Variants in HCN2 observed in about 807,000 individuals in gnomAD.
HCN2 encodes potassium/sodium hyperpolarization-activated cyclic nucleotide-gated channel 2.
A neutral mutation model predicts 52.3 loss-of-function variants in HCN2; 20 were observed. That is an observed-to-expected ratio of 0.38 (90% CI 0.27 to 0.56). The LOEUF is 0.56. HCN2 is among the 20% of genes least tolerant of loss of function. The pLI is 0.71. For missense variants in HCN2, 981 were observed against 1,207.7 expected (o/e 0.81, Z 2.78); for synonymous variants, 694 against 537.0 (o/e 1.29, Z -4.04).
At chr19:595,812 C>T (rs145432806) in intron 1 of HCN2, among the ~76,000 whole-genome samples, 9 of 152,238 alleles carry the variant, frequency 5.9e-5, no homozygotes, top group African/African-American at 1.7e-4. Context: ...CTGAGAGTGC[C>T]GTCTCCTAAT....
chr19:591,983 G>T lies in HCN2; in HGVS notation c.632+1406G>T, dbSNP rs1357905779. ...AAGCCTGGATTTCGAGACAGGCCAG[G>T]GGTGGGAGGAGCCCCGAAATCCCCA... On this transcript the variant is annotated intron_variant, in intron 1 of 7. Transcript: ENST00000251287. This position sits in a 1 kb window ranked among gnomAD's most constrained non-coding sequence, Gnocchi z 4.1. 1.3e-5 allele frequency among the ~76,000 whole-genome samples: 2 copies of T among 152,180 alleles called. No individual in the cohort carries two copies. Among genetic ancestry groups the T allele is most frequent in the African/African-American group, 4.8e-5 (2 of 41,446 alleles).
At position 610,872 on chromosome 19, in the gene HCN2, G is replaced by C. The variant is rs552313971; in HGVS notation, c.1584+467G>C. Among the ~76,000 whole-genome samples, 3 of 152,282 alleles carry C rather than the reference G, an allele frequency of 2.0e-5. No individual in the cohort carries two copies. In the South Asian group the frequency reaches 6.2e-4, roughly 32 times the overall value. Reference sequence around the variant, plus strand: ...GGAGATTCGGCCTCCCACCGTCCTGGAGGCCGGAAGCCCAACATCAAGGCG... The same window carrying C: ...GGAGATTCGGCCTCCCACCGTCCTGCAGGCCGGAAGCCCAACATCAAGGCG... On this transcript the variant is annotated intron_variant, in intron 5 of 7. Transcript: ENST00000251287.
chr19:616,414 C>G lies in HCN2; in HGVS notation c.2610C>G (p.Gly870=), dbSNP rs1244953248. ...ACCGCAGGGACTCGGCCTCACCCGG[C>G]GCCGCCGGCGGCCTGGACCCCCAGG... is the stretch of plus-strand genomic sequence containing the variant. ...SPDRRDSASP[G]AAGGLDPQDS... The change falls in exon 8 of 8, where the codon GGC becomes GGG. Residue 870 remains glycine, a synonymous_variant. Coordinates refer to ENST00000251287, the MANE Select transcript of HCN2 (RefSeq NM_001194.4). 2 of 1,238,334 alleles carry G rather than the reference C, an allele frequency of 1.6e-6. No homozygotes were observed. Among genetic ancestry groups the G allele is most frequent in the Non-Finnish European group, 2.0e-6 (2 of 988,404 alleles). 76.7% of individuals were successfully genotyped at this position (1,238,334 alleles called of 1,614,324 possible).
intron 4 of HCN2, among the ~76,000 whole-genome samples, chr19:608,688 G>T (rs1410234831): frequency 1.3e-5 from 2 of 152,082 alleles, no homozygotes; most frequent in Admixed American, 1.3e-4. Flanking sequence ...CCGGGCTGAA[G>T]GGGCATTGCC....
rs1228903623 is a variant in HCN2, at chr19:590,654, C to T, written c.632+77C>T. 3.1e-5 allele frequency: 35 copies of T among 1,145,516 alleles called. No individual in the cohort carries two copies. Among genetic ancestry groups the T allele is most frequent in the Non-Finnish European group, 3.8e-5 (34 of 905,414 alleles). The allele number at this position is 1,145,516 out of a possible 1,614,324, so 71.0% of individuals were successfully genotyped here. A position where few individuals can be genotyped will look rare whatever the true frequency, so the allele number is the denominator to read the frequency against. On this transcript the variant is annotated intron_variant, in intron 1 of 7. Transcript: ENST00000251287. The surrounding 1 kb of genome is among the most constrained non-coding windows in gnomAD (Gnocchi z 7.2). ...GCGCGGGGAGCCGTCCTTGGAGCGC[C>T]TGGGGAGGGCGGGGCGGCGCGCCGG...
chr19:605,007 A>C (rs1983373219), intron 2 of HCN2, 54 bp from the exon 3 acceptor site: 1 of 1,514,156 alleles, frequency 6.6e-7, no homozygotes, highest in African/African-American at 1.5e-5. Context: ...TGGGGCTCTG[A>C]AGGTGGGGGC....
intron 6 of HCN2, 126 bp from the exon 7 acceptor site, chr19:613,726 A>ACCGGCACCGGCC: frequency 2.1e-6 from 2 of 939,060 alleles, no homozygotes. Context: ...CGGGGCCGGC[A>ACCGGCACCGGCC]CCAGGGAGAG....
chr19:590,125 G>T lies in HCN2; in HGVS notation c.180G>T (p.Ala60=). 1 of 908,450 alleles carries T rather than the reference G, an allele frequency of 1.1e-6. No homozygotes were observed. The highest frequency in any genetic ancestry group is 1.3e-6 in the Non-Finnish European group (1 of 765,016). The allele number at this position is 908,450 out of a possible 1,614,324, so 56.3% of individuals were successfully genotyped here. A position where few individuals can be genotyped will look rare whatever the true frequency, so the allele number is the denominator to read the frequency against. Residue 60 remains alanine, a synonymous_variant, in exon 1 of 8, where the codon GCG becomes GCT. Coordinates refer to ENST00000251287, the MANE Select transcript of HCN2 (RefSeq NM_001194.4). The surrounding 1 kb of genome is among the most constrained non-coding windows in gnomAD (Gnocchi z 7.2). The part of the protein sequence containing the change: ...APPQHPPRAE[A]LPPEAADEGG... Reference sequence around the variant, plus strand: ...CCCAGCACCCGCCCCGGGCCGAGGCGTTGCCCCCGGAGGCGGCGGATGAGG... The same window carrying T: ...CCCAGCACCCGCCCCGGGCCGAGGCTTTGCCCCCGGAGGCGGCGGATGAGG...
intron 1 of HCN2, among the ~76,000 whole-genome samples, chr19:601,567 G>C (rs1983203548): frequency 6.6e-6 from 1 of 152,020 alleles, no homozygotes; most frequent in African/African-American, 2.4e-5. Context: ...ACACGGTGGG[G>C]TGGTTGTCGT....
chr19:616,495 G>A lies in HCN2; in HGVS notation c.*21G>A. On this transcript the variant is annotated 3_prime_UTR_variant, in exon 8 of 8. Coordinates refer to ENST00000251287, the MANE Select transcript of HCN2 (RefSeq NM_001194.4). ...TGTGACCCTCGCCGACCGCCCCGCG[G>A]GCCCAGGCGGGCCGGGGGCGGGGCC... The A allele has an allele frequency of 1.7e-6, 2 of 1,205,258 alleles. No homozygotes were observed. Among genetic ancestry groups the A allele is most frequent in the Non-Finnish European group, 2.1e-6 (2 of 967,242 alleles). The allele number at this position is 1,205,258 out of a possible 1,614,324, so 74.7% of individuals were successfully genotyped here.
In HCN2 at chr19:616,605, T is replaced by C. The variant is rs868829990; in HGVS notation, c.*131T>C. Reference sequence around the variant, plus strand: ...ATAGACGAGACGTAGGTAGCCGTAGTTGGACGGACGGGCAGGGCCGGCGGG... The same window carrying C: ...ATAGACGAGACGTAGGTAGCCGTAGCTGGACGGACGGGCAGGGCCGGCGGG... On this transcript the variant is annotated 3_prime_UTR_variant, in exon 8 of 8. Coordinates refer to ENST00000251287, the MANE Select transcript of HCN2 (RefSeq NM_001194.4). 6.0e-6 allele frequency: 3 copies of C among 500,548 alleles called. No individual in the cohort carries two copies. Among genetic ancestry groups the C allele is most frequent in the Non-Finnish European group, 8.4e-6 (3 of 356,398 alleles). 31.0% of individuals were successfully genotyped at this position (500,548 alleles called of 1,614,324 possible).
At chr19:609,307 C>T (rs530130475) in intron 4 of HCN2, among the ~76,000 whole-genome samples, 5 of 152,328 alleles carry the variant, frequency 3.3e-5, no homozygotes, top group African/African-American at 1.2e-4. Flanking sequence ...AGCACCCACG[C>T]TCCCTTCCCT....
Position 616,706 on chromosome 19 carries a change from G to A in HCN2, c.*232G>A, listed in dbSNP as rs879888906. 52 of 206,658 alleles carry A rather than the reference G, an allele frequency of 2.5e-4. No individual in the cohort carries two copies. The highest frequency in any genetic ancestry group is 2.2e-3 in the Admixed American group (36 of 16,614). 12.8% of individuals were successfully genotyped at this position (206,658 alleles called of 1,614,324 possible). A position where few individuals can be genotyped will look rare whatever the true frequency, so the allele number is the denominator to read the frequency against. ...CCCCATCGCCCCTGCCCCCGGCGGCGGCCTCGCGTGCGAGGGGGCTCCCTT... is the reference window on the plus strand; with the variant it reads ...CCCCATCGCCCCTGCCCCCGGCGGCAGCCTCGCGTGCGAGGGGGCTCCCTT... On this transcript the variant is annotated 3_prime_UTR_variant, in exon 8 of 8. Transcript: ENST00000251287.
chr19:604,929 G>A (rs191473796), intron 2 of HCN2, 132 bp from the exon 3 acceptor site: 80,801 of 899,592 alleles, frequency 0.09, 4,445 homozygotes, highest in Admixed American at 0.19. Context: ...GGTGGGGCGG[G>A]GGTCCTGTGC....
intron 4 of HCN2, among the ~76,000 whole-genome samples, chr19:609,326 G>A (rs1222534630): frequency 6.6e-6 from 1 of 152,206 alleles, no homozygotes; most frequent in Non-Finnish European, 1.5e-5. Flanking sequence ...CTGCTCAGGA[G>A]GGGCTGACCC....
Position 605,136 on chromosome 19 carries a change from T to C in HCN2, c.1132T>C (p.Cys378Arg). The C allele has an allele frequency of 6.2e-7, 1 of 1,612,084 alleles. No individual in the cohort carries two copies. Among genetic ancestry groups the C allele is most frequent in the Non-Finnish European group, 8.5e-7 (1 of 1,179,598 alleles). Residue 378 changes from cysteine (C) to arginine (R), a missense_variant, in exon 3 of 8, where the codon TGC (cysteine) becomes CGC (arginine). Physicochemically the swap from Cys to Arg is radical, Grantham distance 180. Transcript: ENST00000251287. ...CNLISMMLLL[C>R]HWDGCLQFLV... ...TCTCATCAGCATGATGCTGCTGCTC[T>C]GCCACTGGGACGGCTGCCTGCAGTT...
At chr19:612,144 CAAAAAA>C (rs911099931) in intron 5 of HCN2, among the ~76,000 whole-genome samples, 24 of 135,712 alleles carry the variant, frequency 1.8e-4, no homozygotes, top group African/African-American at 6.2e-4. Flanking sequence ...GACTCCGTCT[CAAAAAA>C]AAAAAAAGTA....
intron 5 of HCN2, among the ~76,000 whole-genome samples, chr19:612,084 G>A (rs1369623211): frequency 6.6e-6 from 1 of 152,020 alleles, no homozygotes; most frequent in Non-Finnish European, 1.5e-5. Context: ...GGCGGCGGTT[G>A]CAGTGAGCCG....
intron 1 of HCN2, among the ~76,000 whole-genome samples, chr19:600,458 A>G (rs1383205162): frequency 6.6e-6 from 1 of 152,094 alleles, no homozygotes; most frequent in African/African-American, 2.4e-5. Flanking sequence ...CTCCTGCCTC[A>G]GCCTCCCGAG....
Sources: allele counts gnomAD v4.1 joint callset (sites outside exome capture counted in the v4.1 genomes callset), GRCh38; gene constraint gnomAD v4.1.1; non-coding constraint Gnocchi (gnomAD v3.1); transcripts MANE v1.5; gene names NCBI Gene and HGNC (gene_info 2026-07-23, HGNC 2026-07-21).